The following ESRRG variants were observed in gnomAD, a reference collection of about 807,000 sequenced individuals.
The protein encoded by ESRRG is estrogen-related receptor gamma.
A neutral mutation model predicts 44.0 loss-of-function variants in ESRRG; 13 were observed. The ratio of observed to expected loss-of-function variants is 0.30; its 90% CI spans 0.19 to 0.47. The LOEUF is 0.47. Among genes scored for constraint, ESRRG ranks in the 20% least tolerant of loss-of-function variants. The probability of loss-of-function intolerance (pLI) is 1.00; values close to 1 mark genes in which losing one functional copy is unlikely to be tolerated. For synonymous variants in ESRRG, 215 were observed against 214.6 expected (o/e 1.00, Z -0.02); for missense variants, 395 against 580.6 (o/e 0.68, Z 3.29).
intron 1 of ESRRG, among the ~76,000 whole-genome samples, chr1:217,017,619 T>C (rs1474641686): frequency 2.0e-5 from 3 of 152,146 alleles, no homozygotes; most frequent in Non-Finnish European, 4.4e-5. Flanking sequence ...TTCCCAAATT[T>C]GTTATTTTAG....
intron 5 of ESRRG, among the ~76,000 whole-genome samples, chr1:216,547,181 T>C (rs60825994): frequency 1.2e-3 from 187 of 152,062 alleles, no homozygotes; most frequent in African/African-American, 4.2e-3. Flanking sequence ...AGATAATATA[T>C]GTAAAATAAT....
At chr1:216,692,137 G>A (rs998514067) in intron 1 of ESRRG, among the ~76,000 whole-genome samples, 3 of 151,982 alleles carry the variant, frequency 2.0e-5, no homozygotes, top group Non-Finnish European at 4.4e-5. Context: ...AAATTTACTT[G>A]TAAAACAGCC....
intron 2 of ESRRG, among the ~76,000 whole-genome samples, chr1:216,896,801 A>G (rs2058475862): frequency 1.3e-5 from 2 of 152,196 alleles, no homozygotes; most frequent in Admixed American, 6.5e-5. Flanking sequence ...AACTATAATC[A>G]GCCATATTAT....
intron 1 of ESRRG, among the ~76,000 whole-genome samples, chr1:216,979,452 G>T (rs1383373716): frequency 6.6e-6 from 1 of 152,106 alleles, no homozygotes; most frequent in Non-Finnish European, 1.5e-5. Flanking sequence ...ATCCCTTGGG[G>T]ATTCCAAGAG....
chr1:216,800,658 A>T (rs2094587384), intron 2 of ESRRG, among the ~76,000 whole-genome samples: 1 of 152,186 alleles, frequency 6.6e-6, no homozygotes, highest in African/African-American at 2.4e-5. Flanking sequence ...TGAGGATCTG[A>T]TGAAAGCTGG....
intron 2 of ESRRG, among the ~76,000 whole-genome samples, chr1:216,751,903 T>A (rs1352989784): frequency 1.3e-5 from 2 of 152,148 alleles, no homozygotes; most frequent in South Asian, 2.1e-4. Context: ...AACAGCGCCT[T>A]TGATTAGAAG....
intron 3 of ESRRG, among the ~76,000 whole-genome samples, chr1:216,619,202 T>C (rs1315160986): frequency 6.6e-6 from 1 of 152,224 alleles, no homozygotes; most frequent in East Asian, 1.9e-4. Context: ...TGTGTGTCCA[T>C]GCTTAAGCAC....
chr1:216,674,702 T>C (rs2151452008), intron 2 of ESRRG, among the ~76,000 whole-genome samples: 1 of 149,616 alleles, frequency 6.7e-6, no homozygotes, highest in East Asian at 2.0e-4. Flanking sequence ...CTCCAATTCC[T>C]GGGCTCAAGC....
intron 2 of ESRRG, among the ~76,000 whole-genome samples, chr1:216,832,476 G>A (rs1350594087): frequency 1.3e-5 from 2 of 152,138 alleles, no homozygotes; most frequent in East Asian, 3.9e-4. Flanking sequence ...GGGTCATGTT[G>A]TATAACCCTT....
At position 216,507,262 on chromosome 1, in the gene ESRRG, ATTAAT is replaced by A. The variant is rs574787794; in HGVS notation, c.1133-84_1133-80del. On this transcript the variant is annotated intron_variant, in intron 6 of 6. Coordinates refer to ENST00000408911, the MANE Select transcript of ESRRG (RefSeq NM_001438.4). ...GTAGACTAGAGTTATAAAATTAGTT[ATTAAT>A]TTAATTATTTTTGAACTTCTCTGAG... 1.4e-4 allele frequency: 132 copies of A among 948,666 alleles called. 4 individuals carry two copies. The Admixed American group carries it at 3.6e-3, about 26-fold the overall frequency. The allele number at this position is 948,666 out of a possible 1,614,324, so 58.8% of individuals were successfully genotyped here.
intron 2 of ESRRG, among the ~76,000 whole-genome samples, chr1:216,733,692 T>C (rs1282256805): frequency 6.6e-6 from 1 of 151,790 alleles, no homozygotes; most frequent in Non-Finnish European, 1.5e-5. Context: ...ATCCACAGGG[T>C]AGATAAAACA....
At chr1:216,881,045 A>T (rs2096438691) in intron 2 of ESRRG, among the ~76,000 whole-genome samples, 1 of 152,196 alleles carries the variant, frequency 6.6e-6, no homozygotes, top group African/African-American at 2.4e-5. Flanking sequence ...ACATAAAAGA[A>T]AAAAATGCAT....
chr1:216,808,370 G>A lies in ESRRG; in HGVS notation c.-13-130879C>T, dbSNP rs148629054. Reference sequence around the variant, plus strand: ...GGCTGAATAAAAGTCCTGTCTGAACGAGAGTCTTGGGTAAGTCTCAATGAG... The same window carrying A: ...GGCTGAATAAAAGTCCTGTCTGAACAAGAGTCTTGGGTAAGTCTCAATGAG... On this transcript the variant is annotated intron_variant, in intron 2 of 7. Transcript: ENST00000359162. Among the ~76,000 whole-genome samples the A allele has an allele frequency of 4.1e-4, 63 of 152,212 alleles. No individual in the cohort carries two copies. In the East Asian group the frequency reaches 7.2e-3, roughly 17 times the overall value.
At chr1:216,536,291 A>G (rs1469929911) in intron 5 of ESRRG, among the ~76,000 whole-genome samples, 2 of 152,026 alleles carry the variant, frequency 1.3e-5, no homozygotes, top group African/African-American at 4.8e-5. Flanking sequence ...TCCCATCAAA[A>G]TGTCTCATTG....
At chr1:217,097,771 A>G (rs1428215013) in intron 1 of ESRRG, among the ~76,000 whole-genome samples, 1 of 151,830 alleles carries the variant, frequency 6.6e-6, no homozygotes, top group African/African-American at 2.4e-5. Flanking sequence ...TTACCTTCCC[A>G]TAAGAAAAGA....
At chr1:216,587,187 A>T (rs9308377) in intron 3 of ESRRG, among the ~76,000 whole-genome samples, 4,165 of 152,282 alleles carry the variant, frequency 0.027, 195 homozygotes, top group African/African-American at 0.095. Context: ...AACTTGTTTC[A>T]CAATCCGTAA....
intron 2 of ESRRG, among the ~76,000 whole-genome samples, chr1:216,742,604 T>C (rs1432945221): frequency 6.6e-6 from 1 of 151,974 alleles, no homozygotes; most frequent in Non-Finnish European, 1.5e-5. Flanking sequence ...ACCTTGCATA[T>C]ACTAGATACT....
intron 1 of ESRRG, among the ~76,000 whole-genome samples, chr1:217,015,811 C>A (rs543780969): frequency 1.3e-5 from 2 of 151,172 alleles, no homozygotes; most frequent in South Asian, 2.1e-4. Flanking sequence ...CTCACTGCAA[C>A]CTCCACCTCC....
chr1:216,621,642 C>G (rs2062254883), intron 3 of ESRRG, among the ~76,000 whole-genome samples: 1 of 152,134 alleles, frequency 6.6e-6, no homozygotes, highest in South Asian at 2.1e-4. Flanking sequence ...TGGGGCAGGC[C>G]ATCAACCACT....
Sources: gnomAD v4.1 joint callset for allele counts (sites outside exome capture counted in the v4.1 genomes callset) on GRCh38, gnomAD v4.1.1 for gene constraint, MANE v1.5 for transcripts, NCBI Gene and HGNC (gene_info 2026-07-23, HGNC 2026-07-21) for gene names.